FAM98B: variants seen among roughly 807,000 people sequenced by gnomAD.
The protein encoded by FAM98B is tRNA splicing ligase complex subunit 3B, also known as tRNA-splicing ligase complex subunit FAM98B.
A neutral mutation model predicts 43.9 loss-of-function variants in FAM98B; 32 were observed. That is an observed-to-expected ratio of 0.73 (90% CI 0.55 to 0.98). FAM98B has a LOEUF of 0.98. Ranked by LOEUF, FAM98B falls within the 50% of genes least tolerant of loss-of-function variation. The probability of loss-of-function intolerance (pLI) is 0.00; values close to 1 mark genes in which losing one functional copy is unlikely to be tolerated. For synonymous variants in FAM98B, 190 were observed against 174.0 expected (o/e 1.09, Z -0.72); for missense variants, 514 against 522.9 (o/e 0.98, Z 0.17).
rs1342414882 is a variant in FAM98B, at chr15:38,487,585, CTCTT to C, written c.*2931_*2934del. ...GGAATTTGAGTGACTGAAATTTTTC[CTCTT>C]TCTTCATTGGTGTGGTTAAACAAAA... On this transcript the variant is annotated 3_prime_UTR_variant, in exon 8 of 8. Transcript: ENST00000397609. The C allele has an allele frequency of 2.0e-5, 3 of 152,006 alleles. No individual in the cohort carries two copies. The allele number at this position is 152,006 out of a possible 1,614,324, so 9.4% of individuals were successfully genotyped here.
At chr15:38,466,450 A>T (rs936281849) in intron 3 of FAM98B, among the ~76,000 whole-genome samples, 2 of 152,122 alleles carry the variant, frequency 1.3e-5, no homozygotes, top group Non-Finnish European at 2.9e-5. Context: ...GCATATCCTT[A>T]ATATCAGTCA....
chr15:38,478,914 T>A (rs1890244567), intron 6 of FAM98B, among the ~76,000 whole-genome samples: 1 of 152,214 alleles, frequency 6.6e-6, no homozygotes, highest in South Asian at 2.1e-4. Flanking sequence ...GTACCCTTTT[T>A]AAAATTAACT....
intron 1 of FAM98B, among the ~76,000 whole-genome samples, chr15:38,455,583 C>T (rs1230167094): frequency 6.6e-6 from 1 of 152,212 alleles, no homozygotes; most frequent in East Asian, 1.9e-4. Context: ...ATTTTTACTT[C>T]TGTGAAGTCC....
At position 38,484,470 on chromosome 15, in the gene FAM98B, A is replaced by C; in HGVS notation, c.1113A>C (p.Gly371=). 3 of 168,238 alleles carry C rather than the reference A, an allele frequency of 1.8e-5. No individual in the cohort carries two copies. Among genetic ancestry groups the C allele is most frequent in the Non-Finnish European group, 1.4e-5 (2 of 142,748 alleles). The allele number at this position is 168,238 out of a possible 1,614,324, so 10.4% of individuals were successfully genotyped here. A position where few individuals can be genotyped will look rare whatever the true frequency, so the allele number is the denominator to read the frequency against. ...GAGGAGGTTGGGGAGGTGGTGGGGG[A>C]GGGGGAGGAGGGTGGGGGGGAGGAG... ...GGGGGWGGGG[G]GGGGWGGGGG... is the part of the protein sequence containing the mutation. Residue 371 remains glycine, a synonymous_variant, in exon 8 of 8, where the codon GGA becomes GGC. Transcript: ENST00000397609.
chr15:38,455,636 A>C (rs529963511), intron 1 of FAM98B, among the ~76,000 whole-genome samples: 1 of 152,352 alleles, frequency 6.6e-6, no homozygotes, highest in South Asian at 2.1e-4. Flanking sequence ...GAACCAAAAC[A>C]AGAACTGAAA....
chr15:38,479,103 C>T (rs1566900961), intron 6 of FAM98B, among the ~76,000 whole-genome samples: 1 of 152,034 alleles, frequency 6.6e-6, no homozygotes, highest in African/African-American at 2.4e-5. Flanking sequence ...GGACTACAGA[C>T]GTGTGCCACC....
chr15:38,457,588 C>T (rs2141050395), intron 1 of FAM98B, among the ~76,000 whole-genome samples: 1 of 152,180 alleles, frequency 6.6e-6, no homozygotes, highest in South Asian at 2.1e-4. Context: ...TAAGTAATGG[C>T]AAGGGTGCAA....
At chr15:38,457,062 G>T (rs1258826325) in intron 1 of FAM98B, among the ~76,000 whole-genome samples, 1 of 152,198 alleles carries the variant, frequency 6.6e-6, no homozygotes, top group East Asian at 1.9e-4. Context: ...ATAGATTGGA[G>T]AATTTAGTTA....
intron 3 of FAM98B, among the ~76,000 whole-genome samples, chr15:38,466,136 C>A (rs11857383): frequency 6.6e-6 from 1 of 151,434 alleles, no homozygotes; most frequent in Admixed American, 6.6e-5. Flanking sequence ...CATATTCCTC[C>A]TAGGCGCTAG....
At position 38,485,882 on chromosome 15, in the gene FAM98B, A is replaced by T. The variant is rs2141064847; in HGVS notation, c.*1223A>T. 1 of 152,296 alleles carries T rather than the reference A, an allele frequency of 6.6e-6. No homozygotes were observed. The highest frequency in any genetic ancestry group is 1.5e-5 in the Non-Finnish European group (1 of 68,006). The allele number at this position is 152,296 out of a possible 1,614,324, so 9.4% of individuals were successfully genotyped here. A position where few individuals can be genotyped will look rare whatever the true frequency, so the allele number is the denominator to read the frequency against. The stretch of plus-strand genomic sequence containing the variant: ...CTTAGTGTAGAAAGTTAAGAGAAAA[A>T]GAGCTGGTACCATAAATTTTTTCAA... On this transcript the variant is annotated 3_prime_UTR_variant, in exon 8 of 8. Transcript: ENST00000397609.
At chr15:38,481,501 A>C in intron 7 of FAM98B, 42 bp downstream of exon 7, 1 of 1,614,144 alleles carries the variant, frequency 6.2e-7, no homozygotes, top group Non-Finnish European at 8.5e-7. Flanking sequence ...AATTGATGAT[A>C]TCTTACTTAA....
chr15:38,483,824 T>C (rs966520415), intron 7 of FAM98B, among the ~76,000 whole-genome samples: 39 of 152,020 alleles, frequency 2.6e-4, no homozygotes, highest in African/African-American at 8.0e-4. Context: ...GTAAAAAAAT[T>C]ATTTTTTAAA....
intron 1 of FAM98B, among the ~76,000 whole-genome samples, chr15:38,457,957 CT>C (rs569455316): frequency 0.075 from 10,301 of 138,010 alleles, 468 homozygotes; most frequent in East Asian, 0.17. Context: ...AACAATCTTA[CT>C]TTTTTTTTTT....
At chr15:38,467,116 G>C (rs2141055492) in intron 3 of FAM98B, among the ~76,000 whole-genome samples, 1 of 152,152 alleles carries the variant, frequency 6.6e-6, no homozygotes, top group African/African-American at 2.4e-5. Context: ...CTTAGACAAA[G>C]ATTAGGAACA....
intron 3 of FAM98B, among the ~76,000 whole-genome samples, chr15:38,467,632 A>G: frequency 6.6e-6 from 1 of 152,188 alleles, no homozygotes; most frequent in Non-Finnish European, 1.5e-5. Flanking sequence ...TGGACTTGGC[A>G]ATTCTTTTGA....
rs1254787403 is a variant in FAM98B, at chr15:38,474,213, C to G, written c.644C>G (p.Ser215Cys). Residue 215 changes from serine to cysteine, a missense_variant, in exon 6 of 8, where the codon TCC becomes TGC. This residue lies in a region of FAM98B where 469 missense variants were observed against 451.8 expected (regional missense o/e 1.04). Coordinates refer to ENST00000397609, the MANE Select transcript of FAM98B (RefSeq NM_173611.4). ...CTGGAAAGAATCAATGATGCTCTTT[C>G]CTGTGAATATGAGTGCCGCCGACGA... is the stretch of plus-strand genomic sequence containing the variant. ...EQLERINDAL[S>C]CEYECRRRML... 6.2e-7 allele frequency: 1 copy of G among 1,613,646 alleles called. No homozygotes were observed. Among genetic ancestry groups the G allele is most frequent in the Non-Finnish European group, 8.5e-7 (1 of 1,179,720 alleles).
At chr15:38,455,891 A>G (rs1370642465) in intron 1 of FAM98B, among the ~76,000 whole-genome samples, 1 of 152,226 alleles carries the variant, frequency 6.6e-6, no homozygotes, top group African/African-American at 2.4e-5. Flanking sequence ...TACACACTCC[A>G]AAATTAGTTT....
chr15:38,456,167 A>T (rs1370254226), intron 1 of FAM98B, among the ~76,000 whole-genome samples: 1 of 152,222 alleles, frequency 6.6e-6, no homozygotes, highest in African/African-American at 2.4e-5. Context: ...TACAGGTGAA[A>T]ACAGGATAGG....
chr15:38,484,615 G>A lies in FAM98B; in HGVS notation c.1258G>A (p.Gly420Ser). 1 of 1,468,422 alleles carries A rather than the reference G, an allele frequency of 6.8e-7. No homozygotes were observed. Among genetic ancestry groups the A allele is most frequent in the Non-Finnish European group, 9.0e-7 (1 of 1,114,742 alleles). 91.0% of individuals were successfully genotyped at this position (1,468,422 alleles called of 1,614,324 possible). Residue 420 changes from glycine to serine, a missense_variant, in exon 8 of 8, where the codon GGT becomes AGT. Physicochemically the swap from Gly to Ser is moderately conservative, Grantham distance 56. This residue lies in a region of FAM98B where 45 missense variants were observed against 71.1 expected (regional missense o/e 0.63). Coordinates refer to ENST00000397609, the MANE Select transcript of FAM98B (RefSeq NM_173611.4). ...YGDPYGGGGGGGGGGGGGGGY... is the reference protein window; with the variant it reads ...YGDPYGGGGGSGGGGGGGGGY... ...AGATCCATATGGAGGAGGTGGTGGT[G>A]GTGGTGGTGGTGGTGGTGGAGGAGG...
Sources: gnomAD v4.1 joint callset for allele counts (sites outside exome capture counted in the v4.1 genomes callset) on GRCh38, gnomAD v4.1.1 for gene constraint, gnomAD v4.1.1 regional missense constraint, MANE v1.5 for transcripts, NCBI Gene and HGNC (gene_info 2026-07-23, HGNC 2026-07-21) for gene names.